The following ABLIM1 variants were observed in gnomAD, a reference collection of about 807,000 sequenced individuals.
The protein encoded by ABLIM1 is actin-binding LIM protein 1.
A neutral mutation model predicts 107.0 loss-of-function variants in ABLIM1; 40 were observed. The observed-to-expected ratio is 0.37, with a 90% CI of 0.29 to 0.49. The LOEUF (loss-of-function observed/expected upper bound fraction) is 0.49, where lower values mean the gene tolerates loss of function less well. Ranked by LOEUF, ABLIM1 falls within the 20% of genes least tolerant of loss-of-function variation. The probability of loss-of-function intolerance (pLI) is 0.97; values close to 1 mark genes in which losing one functional copy is unlikely to be tolerated. For synonymous variants in ABLIM1, 357 were observed against 357.3 expected, an observed-to-expected ratio of 1.00 and a Z score of 0.01; for missense variants, 857 against 1,008.5, an observed-to-expected ratio of 0.85 and a Z score of 2.04.
At chr10:114,459,342 G>C (rs2063415347) in intron 12 of ABLIM1, among the ~76,000 whole-genome samples, 1 of 152,236 alleles carries the variant, frequency 6.6e-6, no homozygotes, top group African/African-American at 2.4e-5. Flanking sequence ...AACCCTGGAA[G>C]ACATTGACTT....
intron 4 of ABLIM1, among the ~76,000 whole-genome samples, chr10:114,554,234 C>A (rs1005698838): frequency 6.6e-6 from 1 of 152,090 alleles, no homozygotes; most frequent in African/African-American, 2.4e-5. Flanking sequence ...CCAAAGGAAC[C>A]CTGAAGGACA....
intron 1 of ABLIM1, among the ~76,000 whole-genome samples, chr10:114,695,433 T>C (rs1354676315): frequency 1.3e-5 from 2 of 152,188 alleles, no homozygotes; most frequent in African/African-American, 4.8e-5. Context: ...AGAGGCTACA[T>C]CATTTTCTCA....
At chr10:114,702,680 C>G (rs1340928431) in intron 1 of ABLIM1, among the ~76,000 whole-genome samples, 1 of 152,022 alleles carries the variant, frequency 6.6e-6, no homozygotes, top group South Asian at 2.1e-4. Flanking sequence ...GCGCCCGCCA[C>G]CACGCCCGGC....
At chr10:114,746,042 A>G (rs2082378070) in intron 1 of ABLIM1, among the ~76,000 whole-genome samples, 1 of 152,212 alleles carries the variant, frequency 6.6e-6, no homozygotes, top group Non-Finnish European at 1.5e-5. Context: ...ATTTGAATAC[A>G]GTGTGGAAAG....
chr10:114,588,237 A>G (rs890886730), intron 2 of ABLIM1, among the ~76,000 whole-genome samples: 2 of 152,106 alleles, frequency 1.3e-5, no homozygotes, highest in Admixed American at 1.3e-4. Context: ...TCAGAATCAC[A>G]GGGCACACCT....
At chr10:114,566,262 ATCAGACACTAG>A (rs1388550443) in intron 4 of ABLIM1, among the ~76,000 whole-genome samples, 1 of 152,200 alleles carries the variant, frequency 6.6e-6, no homozygotes, top group Non-Finnish European at 1.5e-5. Flanking sequence ...CCCACACGCC[ATCAGACACTAG>A]TCAGACACCC....
At chr10:114,442,300 C>T (rs912340562) in intron 17 of ABLIM1, among the ~76,000 whole-genome samples, 1 of 152,146 alleles carries the variant, frequency 6.6e-6, no homozygotes, top group Non-Finnish European at 1.5e-5. Context: ...GATCTACCAG[C>T]CATCTACAGC....
At chr10:114,493,493 T>A (rs1196335704) in intron 6 of ABLIM1, among the ~76,000 whole-genome samples, 2 of 152,310 alleles carry the variant, frequency 1.3e-5, no homozygotes, top group Admixed American at 6.5e-5. Flanking sequence ...GACAAAGGTG[T>A]ACACTTTTAC....
upstream of ABLIM1, among the ~76,000 whole-genome samples, chr10:114,689,364 G>GTTT (rs35878862): frequency 0.011 from 1,516 of 132,618 alleles, 38 homozygotes; most frequent in Non-Finnish European, 0.018. Context: ...TTGTATATTG[G>GTTT]TTTTTTTTTT....
At chr10:114,505,597 T>C (rs1178244841) in intron 6 of ABLIM1, among the ~76,000 whole-genome samples, 1 of 152,256 alleles carries the variant, frequency 6.6e-6, no homozygotes, top group African/African-American at 2.4e-5. Flanking sequence ...ATCTTAGTCA[T>C]GACTTTGTAA....
At chr10:114,447,757 T>C (rs2061239212) in intron 15 of ABLIM1, 123 bp downstream of exon 15, 7 of 1,370,270 alleles carry the variant, frequency 5.1e-6, no homozygotes. Flanking sequence ...CTATGCTACC[T>C]CTTGGTCATA....
At chr10:114,589,719 C>CT (rs932313848) in intron 2 of ABLIM1, among the ~76,000 whole-genome samples, 17 of 151,976 alleles carry the variant, frequency 1.1e-4, no homozygotes, top group African/African-American at 3.9e-4. Context: ...TTTCTTTTTT[C>CT]TTTTTTTAGA....
chr10:114,591,752 C>G (rs151137928), intron 2 of ABLIM1, among the ~76,000 whole-genome samples: 2 of 148,666 alleles, frequency 1.3e-5, no homozygotes, highest in African/African-American at 2.5e-5. Flanking sequence ...TCTGAAACAC[C>G]TGAGACCAGA....
intron 2 of ABLIM1, among the ~76,000 whole-genome samples, chr10:114,596,701 T>C (rs2075447564): frequency 6.6e-6 from 1 of 152,204 alleles, no homozygotes; most frequent in African/African-American, 2.4e-5. Flanking sequence ...TGCTATCAAC[T>C]CTAACTCCTC....
Position 114,557,328 on chromosome 10 carries a change from T to C in ABLIM1, c.674-9552A>G, listed in dbSNP as rs968402799. Among the ~76,000 whole-genome samples, 14 of 152,238 alleles carry C rather than the reference T, an allele frequency of 9.2e-5. No homozygotes were observed. In the East Asian group the frequency reaches 2.7e-3, roughly 29 times the overall value. ...GTGCTATTTTAAGTGAAGGTTCTTGTTGTCTTTGGAAAACAATTACCACAC... is the reference window on the plus strand; with the variant it reads ...GTGCTATTTTAAGTGAAGGTTCTTGCTGTCTTTGGAAAACAATTACCACAC... On this transcript the variant is annotated intron_variant, in intron 4 of 22. Coordinates refer to ENST00000533213, the MANE Select transcript of ABLIM1 (RefSeq NM_002313.7).
intron 2 of ABLIM1, among the ~76,000 whole-genome samples, chr10:114,581,249 GA>G (rs1230620534): frequency 6.6e-6 from 1 of 152,204 alleles, no homozygotes; most frequent in Non-Finnish European, 1.5e-5. Context: ...AACAGGAGGG[GA>G]ACAAAGTATG....
At chr10:114,697,083 G>T (rs991732288) in intron 1 of ABLIM1, among the ~76,000 whole-genome samples, 1 of 152,100 alleles carries the variant, frequency 6.6e-6, no homozygotes, top group African/African-American at 2.4e-5. Flanking sequence ...AGGGCACTCT[G>T]GGGGAGGAAG....
intron 1 of ABLIM1, among the ~76,000 whole-genome samples, chr10:114,740,302 T>C (rs994514781): frequency 1.3e-5 from 2 of 152,196 alleles, no homozygotes; most frequent in African/African-American, 2.4e-5. Flanking sequence ...ACTCGTAGCA[T>C]ATGCTACATA....
intron 6 of ABLIM1, among the ~76,000 whole-genome samples, chr10:114,539,011 T>C (rs2066337166): frequency 6.6e-6 from 1 of 152,360 alleles, no homozygotes; most frequent in Non-Finnish European, 1.5e-5. Flanking sequence ...AGTTTGACTT[T>C]TGCTTTTTTT....
Sources: allele counts gnomAD v4.1 joint callset (sites outside exome capture counted in the v4.1 genomes callset), GRCh38; gene constraint gnomAD v4.1.1; transcripts MANE v1.5; gene names NCBI Gene and HGNC (gene_info 2026-07-23, HGNC 2026-07-21).